The following DNAI7 variants were observed in gnomAD, a reference collection of about 807,000 sequenced individuals.
The protein encoded by DNAI7 is cancer susceptibility 1.
DNAI7 carries 78 observed loss-of-function variants against 86.6 expected under a neutral mutation model. The ratio of observed to expected loss-of-function variants is 0.90; its 90% CI spans 0.75 to 1.09. DNAI7 has a LOEUF of 1.09. Ranked by LOEUF, DNAI7 falls within the 50% of genes least tolerant of loss-of-function variation. The probability of loss-of-function intolerance (pLI) is 0.00; values close to 1 mark genes in which losing one functional copy is unlikely to be tolerated. For missense variants in DNAI7, 753 were observed against 810.2 expected (o/e 0.93, Z 0.86); for synonymous variants, 274 against 273.0 (o/e 1.00, Z -0.04).
chr12:25,147,059 CT>C lies in DNAI7; in HGVS notation c.630del (p.Val211SerfsTer39). ...LADLDSGNMEKVIKDENVTLY... is the reference protein window; with the variant it reads ...LADLDSGNMEXVIKDENVTLY... ...AGAGTAACATTTTCATCTTTAATGA[CT>C]TTTTCCATATTTCCACTGTCCAGAT... is the stretch of plus-strand genomic sequence containing the variant. On this transcript the variant is annotated frameshift_variant, in exon 8 of 16. Transcript: ENST00000395987. LOFTEE classifies it high-confidence loss of function. 2.5e-6 allele frequency: 4 copies of C among 1,609,956 alleles called. No homozygotes were observed. The highest frequency in any genetic ancestry group is 2.6e-6 in the Non-Finnish European group (3 of 1,176,244).
chr12:25,165,652 C>T (rs1466724466), intron 2 of DNAI7, among the ~76,000 whole-genome samples: 1 of 152,170 alleles, frequency 6.6e-6, no homozygotes, highest in Non-Finnish European at 1.5e-5. Context: ...CGGAAGCCTA[C>T]GGGACCATCA....
In DNAI7 at chr12:25,182,017, G is replaced by C. The variant is rs186368288; in HGVS notation, c.21+8597C>G. ...CCAGCAATCCCACTACTGGGTATCT[G>C]CTGAAAAGAAAAGAAATTTTTTTTT... On this transcript the variant is annotated intron_variant, in intron 2 of 15. Coordinates refer to ENST00000395987, the MANE Select transcript of DNAI7 (RefSeq NM_018272.5). Among the ~76,000 whole-genome samples the C allele has an allele frequency of 2.1e-5, 3 of 143,998 alleles. No homozygotes were observed. In the Admixed American group the frequency reaches 2.2e-4, roughly 10 times the overall value. The allele number at this position is 143,998 out of a possible 152,430, so 94.5% of individuals were successfully genotyped here.
At position 25,121,821 on chromosome 12, in the gene DNAI7, C is replaced by T. The variant is rs142037159; in HGVS notation, c.1171G>A (p.Val391Ile). Reference sequence around the variant, plus strand: ...AGCTCCAAAATATCCAAGTGGTATACTCCACCCAGAGTTGTGAACTGGCAT... The same window carrying T: ...AGCTCCAAAATATCCAAGTGGTATATTCCACCCAGAGTTGTGAACTGGCAT... ...DLCQFTTLGGVYHLDILELPP... is the reference protein window; with the variant it reads ...DLCQFTTLGGIYHLDILELPP... Residue 391 changes from valine to isoleucine, a missense_variant, in exon 11 of 16, where the codon GTA becomes ATA. Coordinates refer to ENST00000395987, the MANE Select transcript of DNAI7 (RefSeq NM_018272.5). The T allele has an allele frequency of 1.6e-5, 25 of 1,607,378 alleles. No homozygotes were observed. The highest frequency in any genetic ancestry group is 1.6e-4 in the Admixed American group (9 of 57,892).
At chr12:25,145,562 C>G (rs940102759) in intron 8 of DNAI7, among the ~76,000 whole-genome samples, 5 of 152,080 alleles carry the variant, frequency 3.3e-5, no homozygotes, top group African/African-American at 1.2e-4. Context: ...ACTATATTGT[C>G]TCTGATTAGA....
At position 25,158,573 on chromosome 12, in the gene DNAI7, C is replaced by A. The variant is rs199651376; in HGVS notation, c.107-10G>T. The A allele has an allele frequency of 5.6e-6, 9 of 1,605,804 alleles. No homozygotes were observed. In the East Asian group the frequency reaches 1.3e-4, roughly 24 times the overall value. Reference sequence around the variant, plus strand: ...TTCAAACGGGCTTCCTCTAAAGAACCAAAAATAATTTTTTTCTCAGTGAAT... The same window carrying A: ...TTCAAACGGGCTTCCTCTAAAGAACAAAAAATAATTTTTTTCTCAGTGAAT... On this transcript the variant is annotated splice_polypyrimidine_tract_variant and intron_variant, in intron 3 of 15. Transcript: ENST00000395987.
chr12:25,140,635 C>A (rs1944067684), intron 9 of DNAI7, among the ~76,000 whole-genome samples: 1 of 151,932 alleles, frequency 6.6e-6, no homozygotes, highest in Admixed American at 6.6e-5. Flanking sequence ...GACCATACTG[C>A]CAAAAGCAAT....
At chr12:25,175,551 T>C (rs1219631998) in intron 2 of DNAI7, among the ~76,000 whole-genome samples, 1 of 151,902 alleles carries the variant, frequency 6.6e-6, no homozygotes, top group Admixed American at 6.6e-5. Context: ...TTTTACCATG[T>C]TGGCCAGGCT....
At chr12:25,110,456 C>A (rs1949730778) in intron 14 of DNAI7, among the ~76,000 whole-genome samples, 1 of 152,186 alleles carries the variant, frequency 6.6e-6, no homozygotes, top group Non-Finnish European at 1.5e-5. Flanking sequence ...TCTGACATCC[C>A]TACTCCCGAC....
intron 7 of DNAI7, among the ~76,000 whole-genome samples, chr12:25,147,986 G>T (rs1945081633): frequency 6.6e-6 from 1 of 152,126 alleles, no homozygotes; most frequent in Admixed American, 6.5e-5. Context: ...GATGCCTATT[G>T]CTCAAGGAAT....
intron 13 of DNAI7, among the ~76,000 whole-genome samples, chr12:25,112,682 A>G (rs1939181131): frequency 1.3e-5 from 2 of 151,960 alleles, no homozygotes; most frequent in African/African-American, 2.4e-5. Context: ...CTGGGATTAC[A>G]GGCGTGAGCC....
chr12:25,130,460 C>T (rs984339037), intron 9 of DNAI7, among the ~76,000 whole-genome samples: 1 of 152,034 alleles, frequency 6.6e-6, no homozygotes, highest in African/African-American at 2.4e-5. Flanking sequence ...TGGCATAAAC[C>T]TGGGAGGCAG....
intron 12 of DNAI7, among the ~76,000 whole-genome samples, chr12:25,115,813 G>A (rs1480857303): frequency 1.3e-5 from 2 of 152,132 alleles, no homozygotes; most frequent in East Asian, 3.8e-4. Context: ...TCCACTCTTA[G>A]GTACATACTG....
intron 12 of DNAI7, among the ~76,000 whole-genome samples, chr12:25,118,558 TG>T (rs976691183): frequency 6.7e-6 from 1 of 150,102 alleles, no homozygotes; most frequent in Non-Finnish European, 1.5e-5. Flanking sequence ...CCACCACGCC[TG>T]GCCTGTTTGT....
At position 25,108,378 on chromosome 12, in the gene DNAI7, G is replaced by GA. The variant is rs960094722; in HGVS notation, c.*169dup. On this transcript the variant is annotated 3_prime_UTR_variant, in exon 16 of 16. Coordinates refer to ENST00000395987, the MANE Select transcript of DNAI7 (RefSeq NM_018272.5). ...TTCTTAACAGGCCAAGTATTCAAAG[G>GA]AAAAAAAAATACTGTTTTTAAAATA... 1.3e-3 allele frequency: 784 copies of GA among 601,486 alleles called. No individual in the cohort carries two copies. Among genetic ancestry groups the GA allele is most frequent in the South Asian group, 2.5e-3 (79 of 31,254 alleles). The allele number at this position is 601,486 out of a possible 1,614,324, so 37.3% of individuals were successfully genotyped here.
In DNAI7 at chr12:25,144,383, A is replaced by G; in HGVS notation, c.984T>C (p.Gly328=). ...EEEIKVEEEQ[G]DIEVKMSSAE... ...GTCCTACCATTTTCACTTCAATATC[A>G]CCTTGTTCCTCCTCAACTTTTATTT... The change falls in exon 9 of 16, where the codon GGT becomes GGC. Residue 328 remains glycine, a synonymous_variant. Transcript: ENST00000395987. 6.2e-7 allele frequency: 1 copy of G among 1,613,290 alleles called. No homozygotes were observed.
intron 2 of DNAI7, among the ~76,000 whole-genome samples, chr12:25,171,811 T>C (rs955190939): frequency 6.6e-6 from 1 of 152,028 alleles, no homozygotes; most frequent in African/African-American, 2.4e-5. Context: ...GCAGGGATGG[T>C]TTAACATATG....
In DNAI7 at chr12:25,190,596, GAA is replaced by G. The variant is rs750038833; in HGVS notation, c.21+16_21+17del. The G allele has an allele frequency of 7.8e-7, 1 of 1,286,758 alleles. No individual in the cohort carries two copies. Among genetic ancestry groups the G allele is most frequent in the Non-Finnish European group, 1.1e-6 (1 of 926,978 alleles). The allele number at this position is 1,286,758 out of a possible 1,614,324, so 79.7% of individuals were successfully genotyped here. The stretch of plus-strand genomic sequence containing the variant: ...AAGTGATTATACAACTATCTATTTT[GAA>G]AAAAATTCTACATACCTTTTTTGCT... On this transcript the variant is annotated intron_variant, in intron 2 of 15. Transcript: ENST00000395987.
At chr12:25,134,559 G>C (rs1943322148) in intron 9 of DNAI7, among the ~76,000 whole-genome samples, 1 of 151,714 alleles carries the variant, frequency 6.6e-6, no homozygotes, top group South Asian at 2.1e-4. Flanking sequence ...GTTTCACCAT[G>C]TTGGCCCGGC....
intron 13 of DNAI7, 62 bp downstream of exon 13, chr12:25,114,594 T>C: frequency 9.3e-7 from 1 of 1,077,472 alleles, no homozygotes; most frequent in East Asian, 2.4e-5. Flanking sequence ...GACAAACTAG[T>C]ATTCCATCAA....
Sources: gnomAD v4.1 joint callset for allele counts (sites outside exome capture counted in the v4.1 genomes callset) on GRCh38, gnomAD v4.1.1 for gene constraint, MANE v1.5 for transcripts, NCBI Gene and HGNC (gene_info 2026-07-23, HGNC 2026-07-21) for gene names.